DOCK11: variants seen among roughly 807,000 people sequenced by gnomAD.
DOCK11 encodes dedicator of cytokinesis protein 11.
A neutral mutation model predicts 169.1 loss-of-function variants in DOCK11; 70 were observed. The ratio of observed to expected loss-of-function variants is 0.41; its 90% CI spans 0.34 to 0.51. DOCK11 has a LOEUF of 0.51. Among genes scored for constraint, DOCK11 ranks in the 20% least tolerant of loss-of-function variants. The probability of loss-of-function intolerance (pLI) is 0.10; values close to 1 mark genes in which losing one functional copy is unlikely to be tolerated. For missense variants in DOCK11, 1,166 were observed against 1,538.8 expected, an observed-to-expected ratio of 0.76 and a Z score of 4.05; for synonymous variants, 529 against 541.3, an observed-to-expected ratio of 0.98 and a Z score of 0.32.
chrX:118,512,966 T>C (rs1424675842), intron 1 of DOCK11, among the ~76,000 whole-genome samples: 1 of 111,812 alleles, frequency 8.9e-6, no homozygotes, highest in Non-Finnish European at 1.9e-5. Context: ...CCTTTCCACC[T>C]TCTACTATTC....
intron 41 of DOCK11, among the ~76,000 whole-genome samples, chrX:118,649,626 C>T (rs1329078178): frequency 2.7e-5 from 3 of 111,731 alleles, no homozygotes; most frequent in Non-Finnish European, 5.6e-5. Context: ...TCAAGTGATT[C>T]TCCTGCCTCA....
chrX:118,678,376 T>C (rs920894312), intron 48 of DOCK11, among the ~76,000 whole-genome samples: 2 of 112,509 alleles, frequency 1.8e-5, no homozygotes, highest in African/African-American at 6.4e-5. Context: ...GTATTACCCA[T>C]ATAATGGATA....
chrX:118,548,939 CG>C (rs1342171325), intron 6 of DOCK11, among the ~76,000 whole-genome samples: 1 of 111,431 alleles, frequency 9.0e-6, no homozygotes, highest in East Asian at 2.8e-4. Flanking sequence ...AGTGACCAGG[CG>C]GGAGCCATAA....
chrX:118,560,312 A>G (rs748913928), intron 6 of DOCK11, among the ~76,000 whole-genome samples: 67 of 111,848 alleles, frequency 6.0e-4, no homozygotes, highest in Non-Finnish European at 1.1e-3. Flanking sequence ...TTGCCAAATA[A>G]TACTCTTTCC....
intron 1 of DOCK11, among the ~76,000 whole-genome samples, chrX:118,501,011 C>T (rs2057572452): frequency 9.0e-6 from 1 of 111,100 alleles, no homozygotes. Flanking sequence ...TCAATAAATA[C>T]AAATCTATAT....
chrX:118,556,559 G>C (rs1159758597), intron 6 of DOCK11, among the ~76,000 whole-genome samples: 1 of 104,336 alleles, frequency 9.6e-6, no homozygotes, highest in Non-Finnish European at 2.0e-5. Context: ...GACCAGCCTG[G>C]CCAACATGGT....
chrX:118,569,090 CCT>C (rs2013185266), intron 10 of DOCK11, among the ~76,000 whole-genome samples: 1 of 68,223 alleles, frequency 1.5e-5, no homozygotes, highest in African/African-American at 4.6e-5. Flanking sequence ...TTCTTTCTTT[CCT>C]TTTTTTTTTT....
rs781496662 is a variant in DOCK11, at chrX:118,628,224, C to T, written c.3726C>T (p.Ile1242=). Residue 1242 remains isoleucine, a synonymous_variant, in exon 34 of 53, where the codon ATC becomes ATT. Coordinates refer to ENST00000276202, the MANE Select transcript of DOCK11 (RefSeq NM_144658.4). ...GAGAAGATTCAAGAGGTTCCCTCATCCCAGAAGGAGCAACAGGATTTCCAG... is the reference window on the plus strand; with the variant it reads ...GAGAAGATTCAAGAGGTTCCCTCATTCCAGAAGGAGCAACAGGATTTCCAG... The part of the protein sequence containing the change: ...IKREDSRGSL[I]PEGATGFPDQ... 1 of 1,205,924 alleles carries T rather than the reference C, an allele frequency of 8.3e-7. No homozygotes were observed. The highest frequency in any genetic ancestry group is 1.1e-6 in the Non-Finnish European group (1 of 892,025).
Position 118,649,114 on chromosome X carries a change from G to A in DOCK11, c.4568G>A (p.Arg1523Lys). ...FEYTKRKTFL[R>K]THLQIIIAVS... ...TATACCAAAAGGAAAACCTTTTTGA[G>A]GACACATCTACAGGTCAGTGAAAAT... Residue 1523 changes from arginine to lysine, a missense_variant, in exon 41 of 53, where the codon AGG becomes AAG. Physicochemically the swap from Arg to Lys is conservative, Grantham distance 26 (BLOSUM62 2). Transcript: ENST00000276202. 8.4e-7 allele frequency: 1 copy of A among 1,197,591 alleles called. No homozygotes were observed. Among genetic ancestry groups the A allele is most frequent in the Non-Finnish European group, 1.1e-6 (1 of 889,534 alleles).
chrX:118,511,869 A>G (rs184172306), intron 1 of DOCK11, among the ~76,000 whole-genome samples: 2 of 111,956 alleles, frequency 1.8e-5, no homozygotes, highest in African/African-American at 6.5e-5. Context: ...ATGTTTGTGA[A>G]CTGTTGCTTG....
At chrX:118,499,328 T>A (rs1465044758) in intron 1 of DOCK11, among the ~76,000 whole-genome samples, 1 of 111,445 alleles carries the variant, frequency 9.0e-6, no homozygotes, top group African/African-American at 3.3e-5. Flanking sequence ...ACTGCGGAGC[T>A]TACCCTCAAT....
chrX:118,647,364 A>G (rs1357449835), intron 40 of DOCK11, among the ~76,000 whole-genome samples: 3 of 100,394 alleles, frequency 3.0e-5, no homozygotes, highest in African/African-American at 1.1e-4. Flanking sequence ...CCCATCATTC[A>G]TCATTTCAGG....
intron 10 of DOCK11, 126 bp from the exon 11 acceptor site, chrX:118,572,197 C>A: frequency 5.2e-6 from 3 of 578,072 alleles, no homozygotes; most frequent in Non-Finnish European, 7.9e-6. Flanking sequence ...TAGATGAAAA[C>A]ATAAAAAGGG....
At chrX:118,629,214 CAG>C (rs988976033) in intron 34 of DOCK11, among the ~76,000 whole-genome samples, 3 of 111,532 alleles carry the variant, frequency 2.7e-5, no homozygotes, top group Non-Finnish European at 5.6e-5. Flanking sequence ...TTTGGGTAAA[CAG>C]TAATTTATTC....
chrX:118,676,809 C>T (rs953591577), intron 48 of DOCK11, 72 bp downstream of exon 48: 12 of 943,834 alleles, frequency 1.3e-5, no homozygotes, highest in Middle Eastern at 2.8e-4. Flanking sequence ...CTGACTTTTT[C>T]CTTTTTTAAC....
At chrX:118,521,742 A>G (rs1476414715) in intron 1 of DOCK11, among the ~76,000 whole-genome samples, 2 of 111,994 alleles carry the variant, frequency 1.8e-5, no homozygotes, top group East Asian at 2.8e-4. Flanking sequence ...TATGTTTTCC[A>G]TCCTACTTAT....
rs2014793561 is a variant in DOCK11, at chrX:118,615,703, G to A, written c.3284G>A (p.Arg1095Gln). The change falls in exon 30 of 53, where the codon CGG (arginine) becomes CAG (glutamine). Residue 1095 changes from arginine (R) to glutamine (Q), a missense_variant. Coordinates refer to ENST00000276202, the MANE Select transcript of DOCK11 (RefSeq NM_144658.4). ...PMAFAKPKLQRVQDSNLEYSL... is the reference protein window; with the variant it reads ...PMAFAKPKLQQVQDSNLEYSL... ...GCATTTGCAAAACCTAAACTGCAGC[G>A]GGTTCAAGGCATGTATTTGCATTTT... 2.5e-6 allele frequency: 3 copies of A among 1,198,400 alleles called. No individual in the cohort carries two copies. The highest frequency in any genetic ancestry group is 3.0e-5 in the East Asian group (1 of 33,644).
At chrX:118,622,070 G>T (rs372984219) in intron 31 of DOCK11, among the ~76,000 whole-genome samples, 1 of 111,894 alleles carries the variant, frequency 8.9e-6, no homozygotes, top group East Asian at 2.8e-4. Context: ...GAGAACTGCA[G>T]ATTCTACTTC....
chrX:118,577,393 A>G (rs2013481005), intron 12 of DOCK11, among the ~76,000 whole-genome samples: 1 of 112,378 alleles, frequency 8.9e-6, no homozygotes, highest in Non-Finnish European at 1.9e-5. Flanking sequence ...CATTTAATCC[A>G]TACAAGAAAT....
Sources: allele counts gnomAD v4.1 joint callset (sites outside exome capture counted in the v4.1 genomes callset), GRCh38; gene constraint gnomAD v4.1.1; transcripts MANE v1.5; gene names NCBI Gene and HGNC (gene_info 2026-07-23, HGNC 2026-07-21).